NDST4: variants seen among roughly 807,000 people sequenced by gnomAD.
The protein encoded by NDST4 is N-heparan sulfate sulfotransferase 4.
In NDST4, 63 loss-of-function variants were observed where a neutral mutation model predicts 100.8. That is an observed-to-expected ratio of 0.62 (90% confidence interval 0.51 to 0.77). NDST4 has a LOEUF of 0.77. Among genes scored for constraint, NDST4 ranks in the 30% least tolerant of loss-of-function variants. The pLI is 0.00. For missense variants in NDST4, 943 were observed against 1,018.4 expected (o/e 0.93, Z 1.01); for synonymous variants, 377 against 361.8 (o/e 1.04, Z -0.48).
At chr4:115,020,962 T>C (rs1727799154) in intron 2 of NDST4, among the ~76,000 whole-genome samples, 1 of 152,060 alleles carries the variant, frequency 6.6e-6, no homozygotes, top group African/African-American at 2.4e-5. Context: ...ACACTGCTGG[T>C]GTCAATGTAA....
intron 6 of NDST4, among the ~76,000 whole-genome samples, chr4:114,897,456 C>G (rs1248202523): frequency 1.3e-5 from 2 of 152,142 alleles, no homozygotes; most frequent in African/African-American, 2.4e-5. Context: ...TTATTTACCA[C>G]AGTATATTTC....
Position 115,076,277 on chromosome 4 carries a change from CAAAG to C in NDST4, c.756_759del (p.Phe253GlnfsTer3). The C allele has an allele frequency of 6.2e-7, 1 of 1,614,006 alleles. No homozygotes were observed. ...AGCCCCAGATCCTGAATCACCGTTG[CAAAG>C]AGTGTTTTGCTAGACAAGGATGACA... is the stretch of plus-strand genomic sequence containing the variant. On this transcript the variant is annotated frameshift_variant, in exon 2 of 14. Transcript: ENST00000264363. LOFTEE classifies it high-confidence loss of function.
At chr4:115,029,835 G>A (rs761667735) in intron 2 of NDST4, among the ~76,000 whole-genome samples, 4 of 152,058 alleles carry the variant, frequency 2.6e-5, no homozygotes, top group African/African-American at 4.8e-5. Flanking sequence ...TTCAGTTAAG[G>A]CACAAGATAG....
chr4:114,901,973 T>C (rs1724850706), intron 6 of NDST4, among the ~76,000 whole-genome samples: 1 of 152,032 alleles, frequency 6.6e-6, no homozygotes, highest in Non-Finnish European at 1.5e-5. Flanking sequence ...TAATTTCTCC[T>C]TCCAATGTTT....
At chr4:114,974,725 CT>C (rs2126242805) in intron 3 of NDST4, among the ~76,000 whole-genome samples, 1 of 152,190 alleles carries the variant, frequency 6.6e-6, no homozygotes, top group South Asian at 2.1e-4. Context: ...GGGTGAATGA[CT>C]TTAGGAAAAG....
chr4:115,018,147 T>G (rs1727730452), intron 2 of NDST4, among the ~76,000 whole-genome samples: 1 of 151,890 alleles, frequency 6.6e-6, no homozygotes, highest in Non-Finnish European at 1.5e-5. Context: ...AATTTATAAT[T>G]ATAAATGAAA....
chr4:114,929,070 G>GTCCATCCATCCATCCATCCA (rs1264473414), intron 6 of NDST4, among the ~76,000 whole-genome samples: 1 of 92,782 alleles, frequency 1.1e-5, no homozygotes, highest in Non-Finnish European at 2.5e-5. Flanking sequence ...CCGTCCGTCC[G>GTCCATCCATCCATCCATCCA]TCCGTCCATC....
chr4:114,971,072 A>G (rs780388573), intron 3 of NDST4, among the ~76,000 whole-genome samples: 5 of 148,762 alleles, frequency 3.4e-5, no homozygotes, highest in Non-Finnish European at 5.9e-5. Flanking sequence ...AAAAACCTGT[A>G]AGACCATCTT....
intron 2 of NDST4, among the ~76,000 whole-genome samples, chr4:115,034,717 C>T (rs945565302): frequency 5.9e-5 from 9 of 151,970 alleles, no homozygotes; most frequent in African/African-American, 2.2e-4. Context: ...AAGCATGGCC[C>T]CCGCCTTGAT....
intron 7 of NDST4, among the ~76,000 whole-genome samples, chr4:114,866,327 T>G (rs1724025336): frequency 6.6e-6 from 1 of 152,218 alleles, no homozygotes; most frequent in South Asian, 2.1e-4. Flanking sequence ...GCTTCTGGTG[T>G]ACTCTTCATT....
intron 2 of NDST4, among the ~76,000 whole-genome samples, chr4:114,980,745 A>G (rs1726750172): frequency 6.6e-6 from 1 of 152,138 alleles, no homozygotes; most frequent in African/African-American, 2.4e-5. Flanking sequence ...ATAACAAACA[A>G]TATAAATGGT....
rs141646559 is a variant in NDST4, at chr4:114,900,296, T to C, written c.1537-29346A>G. Among the ~76,000 whole-genome samples the C allele has an allele frequency of 7.3e-3, 1,107 of 152,260 alleles. 81 individuals are homozygous for C. The South Asian group carries it at 0.17, about 23-fold the overall frequency. On this transcript the variant is annotated intron_variant, in intron 6 of 13. Coordinates refer to ENST00000264363, the MANE Select transcript of NDST4 (RefSeq NM_022569.3). ...AGAACCAGCTTTTGGTTTCTTGATT[T>C]TCTCTACTGATTTTCGGTTTACAAT...
chr4:115,042,289 G>C lies in NDST4; in HGVS notation c.978+33770C>G, dbSNP rs550359790. 4.6e-5 allele frequency among the ~76,000 whole-genome samples: 7 copies of C among 152,200 alleles called. No individual in the cohort carries two copies. The South Asian group carries it at 1.0e-3, about 23-fold the overall frequency. ...CGCCCTTTGGCCATCAATGTCATCA[G>C]CTTCTGAGATCCAGCCATTGACATC... is the stretch of plus-strand genomic sequence containing the variant. On this transcript the variant is annotated intron_variant, in intron 2 of 13. Coordinates refer to ENST00000264363, the MANE Select transcript of NDST4 (RefSeq NM_022569.3).
rs555392049 is a variant in NDST4 at position 114,910,398 on chromosome 4, T to A, written c.1536+24808A>T. 7.2e-5 allele frequency among the ~76,000 whole-genome samples: 11 copies of A among 152,292 alleles called. 1 individual carries two copies. The highest frequency in any genetic ancestry group is 2.6e-4 in the African/African-American group (11 of 41,566). ...TAATATTTCAATCTTATGACAGTCA[T>A]TCTAGAGAACAGGTGTCTGTGTGCC... On this transcript the variant is annotated intron_variant, in intron 6 of 13. Transcript: ENST00000264363.
At chr4:114,918,440 C>T (rs958685118) in intron 6 of NDST4, among the ~76,000 whole-genome samples, 4 of 150,116 alleles carry the variant, frequency 2.7e-5, no homozygotes, top group African/African-American at 9.8e-5. Context: ...ATACCTAATG[C>T]TAGATGACCA....
intron 2 of NDST4, among the ~76,000 whole-genome samples, chr4:115,039,770 G>A (rs1251438450): frequency 6.6e-6 from 1 of 151,624 alleles, no homozygotes; most frequent in Admixed American, 6.6e-5. Context: ...AGAAAAGAGG[G>A]GTGTGTAAAT....
intron 2 of NDST4, among the ~76,000 whole-genome samples, chr4:114,982,446 C>A (rs1390863575): frequency 6.6e-6 from 1 of 152,108 alleles, no homozygotes; most frequent in African/African-American, 2.4e-5. Context: ...CTCTAAAAAT[C>A]TTTGAAACTT....
intron 1 of NDST4, among the ~76,000 whole-genome samples, chr4:115,091,197 A>G (rs1295825282): frequency 6.6e-6 from 1 of 152,000 alleles, no homozygotes; most frequent in Non-Finnish European, 1.5e-5. Context: ...TATCATATTT[A>G]TTTTATTTTA....
At chr4:114,929,037 TGTCTGTCCGTCCGTCCGTCCGTCCGTCC>T (rs2126222302) in intron 6 of NDST4, among the ~76,000 whole-genome samples, 2 of 131,622 alleles carry the variant, frequency 1.5e-5, no homozygotes, top group South Asian at 5.6e-4. Flanking sequence ...TCTGTCTGTC[TGTCTGTCCGTCCGTCCGTCCGTCCGTCC>T]GTCCGTCCGT....
Sources: gnomAD v4.1 joint callset for allele counts (sites outside exome capture counted in the v4.1 genomes callset) on GRCh38, gnomAD v4.1.1 for gene constraint, MANE v1.5 for transcripts, NCBI Gene and HGNC (gene_info 2026-07-23, HGNC 2026-07-21) for gene names.